The following EPHA3 variants were observed in gnomAD, a reference collection of about 807,000 sequenced individuals.
EPHA3 encodes the protein EPH receptor A3, also known as ephrin type-A receptor 3.
Under a neutral mutation model 107.1 loss-of-function variants are expected in EPHA3, and 42 were observed. The observed-to-expected ratio is 0.39, with a 90% CI of 0.31 to 0.51. EPHA3 has a LOEUF of 0.51. EPHA3 is among the 20% of genes least tolerant of loss of function. EPHA3 has a pLI of 0.78. For missense variants in EPHA3, 1,183 were observed against 1,211.2 expected (o/e 0.98, Z 0.35); for synonymous variants, 461 against 424.8 (o/e 1.09, Z -1.05).
intron 2 of EPHA3, among the ~76,000 whole-genome samples, chr3:89,207,531 CA>C (rs1403891279): frequency 6.6e-6 from 1 of 151,824 alleles, no homozygotes; most frequent in African/African-American, 2.4e-5. Flanking sequence ...TTTTTTTAAA[CA>C]AACAAACAAA....
intron 3 of EPHA3, among the ~76,000 whole-genome samples, chr3:89,211,912 C>A (rs1294063334): frequency 6.6e-6 from 1 of 151,224 alleles, no homozygotes; most frequent in Non-Finnish European, 1.5e-5. Flanking sequence ...CTTTCAATGA[C>A]TGTTTAGAGA....
In EPHA3 at chr3:89,408,060, C is replaced by T. The variant is rs1709087297; in HGVS notation, c.1698-7C>T. On this transcript the variant is annotated splice_polypyrimidine_tract_variant and splice_region_variant and intron_variant, in intron 8 of 16. Coordinates refer to ENST00000336596, the MANE Select transcript of EPHA3 (RefSeq NM_005233.6). ...TTATGTGTTCGCTTTCCTTGATTTA[C>T]CTCCAGGTTCTGTGGCTATAAGTCA... The T allele has an allele frequency of 6.2e-7, 1 of 1,612,246 alleles. No individual in the cohort carries two copies. Among genetic ancestry groups the T allele is most frequent in the Non-Finnish European group, 8.5e-7 (1 of 1,178,770 alleles).
intron 11 of EPHA3, 47 bp downstream of exon 11, chr3:89,419,437 G>T: frequency 6.8e-7 from 1 of 1,478,262 alleles, no homozygotes; most frequent in Non-Finnish European, 9.0e-7. Flanking sequence ...GTTGAGCAAA[G>T]GTTGTTTAAA....
rs74283159 is a variant in EPHA3, at chr3:89,292,173, G to A, written c.815-48743G>A. Among the ~76,000 whole-genome samples, 144 of 152,160 alleles carry A rather than the reference G, an allele frequency of 9.5e-4. 1 individual carries two copies. In the East Asian group the frequency reaches 0.024, roughly 25 times the overall value. On this transcript the variant is annotated intron_variant, in intron 3 of 16. Coordinates refer to ENST00000336596, the MANE Select transcript of EPHA3 (RefSeq NM_005233.6). ...TTCACTTATAAGAATTACAGTTAGC[G>A]CCCTGTATCCATGGGTTCTGCATCC...
At chr3:89,279,709 A>G (rs1036700726) in intron 3 of EPHA3, among the ~76,000 whole-genome samples, 1 of 152,164 alleles carries the variant, frequency 6.6e-6, no homozygotes, top group African/African-American at 2.4e-5. Flanking sequence ...AAGTAAAGGT[A>G]GTACAAACAT....
intron 5 of EPHA3, among the ~76,000 whole-genome samples, chr3:89,392,052 C>A (rs1418947225): frequency 6.6e-6 from 1 of 152,030 alleles, no homozygotes; most frequent in Non-Finnish European, 1.5e-5. Context: ...ATGCCTGCAC[C>A]AGTTTCTCAG....
chr3:89,290,649 A>G (rs1475880356), intron 3 of EPHA3, among the ~76,000 whole-genome samples: 3 of 152,130 alleles, frequency 2.0e-5, no homozygotes, highest in East Asian at 1.9e-4. Context: ...GTTGAGGCAT[A>G]TCTATAAATA....
intron 2 of EPHA3, among the ~76,000 whole-genome samples, chr3:89,156,448 T>C (rs1704808274): frequency 6.6e-6 from 1 of 152,074 alleles, no homozygotes; most frequent in African/African-American, 2.4e-5. Context: ...TTTAAGCTAT[T>C]TGTTTAACAT....
In EPHA3 at chr3:89,476,585, T is replaced by TTTTAATTA. The variant is rs1553697739; in HGVS notation, c.2847-2808_2847-2807insATTATTTA. Reference sequence around the variant, plus strand: ...ATTTACTTTCCATGACTATTATTATTTTTATTTATTTATTTATTTATTTAT... The same window carrying TTTTAATTA: ...ATTTACTTTCCATGACTATTATTATTTTTAATTATTTATTTATTTATTTATTTATTTAT... On this transcript the variant is annotated intron_variant, in intron 16 of 16. Coordinates refer to ENST00000336596, the MANE Select transcript of EPHA3 (RefSeq NM_005233.6). Among the ~76,000 whole-genome samples, 4 of 129,088 alleles carry TTTTAATTA rather than the reference T, an allele frequency of 3.1e-5. No individual in the cohort carries two copies. The Admixed American group carries it at 3.1e-4, about 10-fold the overall frequency. The allele number at this position is 129,088 out of a possible 152,430, so 84.7% of individuals were successfully genotyped here.
intron 5 of EPHA3, among the ~76,000 whole-genome samples, chr3:89,350,249 T>G (rs1208731320): frequency 6.6e-6 from 1 of 150,380 alleles, no homozygotes; most frequent in Non-Finnish European, 1.5e-5. Flanking sequence ...CACTTTCAGG[T>G]ACACCAATCA....
intron 11 of EPHA3, among the ~76,000 whole-genome samples, chr3:89,425,380 T>A (rs1387492966): frequency 6.8e-6 from 1 of 147,980 alleles, no homozygotes; most frequent in Non-Finnish European, 1.5e-5. Flanking sequence ...ATTTTGTCAA[T>A]TTTTTTCAAC....
intron 5 of EPHA3, among the ~76,000 whole-genome samples, chr3:89,359,703 T>TTG (rs145696546): frequency 2.0e-3 from 295 of 144,756 alleles, no homozygotes; most frequent in African/African-American, 7.2e-3. Flanking sequence ...ACGTTATATA[T>TTG]TGTGTGTGTG....
At chr3:89,285,908 G>C (rs1239135604) in intron 3 of EPHA3, among the ~76,000 whole-genome samples, 1 of 152,028 alleles carries the variant, frequency 6.6e-6, no homozygotes, top group Non-Finnish European at 1.5e-5. Context: ...AATTAAGGAG[G>C]GGTAAGGAAG....
chr3:89,252,747 C>A (rs1195470460), intron 3 of EPHA3, among the ~76,000 whole-genome samples: 2 of 151,852 alleles, frequency 1.3e-5, no homozygotes, highest in Non-Finnish European at 2.9e-5. Context: ...AAATATTATT[C>A]AAGTTTTTCA....
intron 3 of EPHA3, among the ~76,000 whole-genome samples, chr3:89,240,566 A>G (rs1444817868): frequency 6.6e-6 from 1 of 152,086 alleles, no homozygotes; most frequent in Non-Finnish European, 1.5e-5. Flanking sequence ...GGAGGTTTTT[A>G]TATCTATCAC....
chr3:89,420,058 G>A (rs187872611), intron 11 of EPHA3, among the ~76,000 whole-genome samples: 5 of 151,286 alleles, frequency 3.3e-5, no homozygotes, highest in African/African-American at 4.8e-5. Flanking sequence ...CCTGTGAGGC[G>A]GATCTGTGAT....
intron 3 of EPHA3, among the ~76,000 whole-genome samples, chr3:89,259,226 T>C (rs1299173081): frequency 6.6e-6 from 1 of 152,154 alleles, no homozygotes; most frequent in Non-Finnish European, 1.5e-5. Context: ...CACCAGTTCT[T>C]CTTCACCTGT....
At chr3:89,410,457 G>C (rs866585967) in intron 9 of EPHA3, among the ~76,000 whole-genome samples, 3 of 151,884 alleles carry the variant, frequency 2.0e-5, no homozygotes, top group African/African-American at 7.2e-5. Flanking sequence ...TGTAAATTCT[G>C]ATGGCAGGAA....
chr3:89,280,933 A>G (rs1705931735), intron 3 of EPHA3, among the ~76,000 whole-genome samples: 1 of 152,074 alleles, frequency 6.6e-6, no homozygotes, highest in Non-Finnish European at 1.5e-5. Context: ...TAATAATACT[A>G]GGTATTATTT....
Sources: gnomAD v4.1 joint callset for allele counts (sites outside exome capture counted in the v4.1 genomes callset) on GRCh38, gnomAD v4.1.1 for gene constraint, MANE v1.5 for transcripts, NCBI Gene and HGNC (gene_info 2026-07-23, HGNC 2026-07-21) for gene names.